The following SMC6 variants were observed in gnomAD, a reference collection of about 807,000 sequenced individuals.
SMC6 encodes the protein structural maintenance of chromosomes 6.
In SMC6, 79 loss-of-function variants were observed where a neutral mutation model predicts 142.2. The ratio of observed to expected loss-of-function variants is 0.56; its 90% confidence interval spans 0.46 to 0.67. The LOEUF is 0.67. Among genes scored for constraint, SMC6 ranks in the 30% least tolerant of loss-of-function variants. SMC6 has a pLI of 0.00. For synonymous variants in SMC6, 411 were observed against 412.4 expected (o/e 1.00, Z 0.04); for missense variants, 1,072 against 1,284.0 (o/e 0.83, Z 2.52).
intron 23 of SMC6, among the ~76,000 whole-genome samples, chr2:17,689,175 C>T (rs1200958412): frequency 6.6e-6 from 1 of 152,102 alleles, no homozygotes; most frequent in Non-Finnish European, 1.5e-5. Flanking sequence ...GATTATGTGC[C>T]TCTGGATGTG....
At position 17,721,127 on chromosome 2, in the gene SMC6, T is replaced by C; in HGVS notation, c.846+15A>G. On this transcript the variant is annotated intron_variant, in intron 10 of 27. Transcript: ENST00000448223. ...ATCACATAGATACGTGAACAAGTAA[T>C]TAAGTGATAATTACCACTGCCCAAG... 6.2e-7 allele frequency: 1 copy of C among 1,611,106 alleles called. No homozygotes were observed. Among genetic ancestry groups the C allele is most frequent in the African/African-American group, 1.3e-5 (1 of 74,868 alleles).
intron 3 of SMC6, 114 bp downstream of exon 3, chr2:17,745,710 TCAA>T: frequency 8.8e-7 from 1 of 1,139,860 alleles, no homozygotes; most frequent in Non-Finnish European, 1.2e-6. Flanking sequence ...AGATTTTACC[TCAA>T]CTTTTAAAAA....
chr2:17,710,144 T>C (rs1668754478), intron 16 of SMC6, among the ~76,000 whole-genome samples: 1 of 152,182 alleles, frequency 6.6e-6, no homozygotes, highest in African/African-American at 2.4e-5. Flanking sequence ...GATCAGCCTG[T>C]GCAATTCTCA....
At chr2:17,667,870 T>A (rs1666574077) in intron 26 of SMC6, among the ~76,000 whole-genome samples, 1 of 151,892 alleles carries the variant, frequency 6.6e-6, no homozygotes, top group African/African-American at 2.4e-5. Context: ...AGTAAATAAA[T>A]AAAAAATAAA....
At chr2:17,696,226 A>G in intron 22 of SMC6, 63 bp downstream of exon 22, 1 of 1,545,924 alleles carries the variant, frequency 6.5e-7, no homozygotes, top group South Asian at 1.3e-5. Flanking sequence ...ATTAGGGAAA[A>G]CACACTTTAA....
chr2:17,717,901 C>T (rs1034626516), intron 12 of SMC6, among the ~76,000 whole-genome samples, 176 bp downstream of exon 12: 1 of 149,890 alleles, frequency 6.7e-6, no homozygotes, highest in Non-Finnish European at 1.5e-5. Context: ...GGGAGGATAG[C>T]GTGTGCCCAG....
At chr2:17,724,772 T>C (rs1669534887) in intron 9 of SMC6, among the ~76,000 whole-genome samples, 1 of 152,218 alleles carries the variant, frequency 6.6e-6, no homozygotes, top group Non-Finnish European at 1.5e-5. Flanking sequence ...AACCTACCAG[T>C]TGCTTAAGGA....
At chr2:17,678,828 T>C (rs781140414) in intron 25 of SMC6, 31 bp downstream of exon 25, 4 of 1,439,792 alleles carry the variant, frequency 2.8e-6, no homozygotes, top group Non-Finnish European at 3.8e-6. Flanking sequence ...GTTTTTCTAA[T>C]GATTAGGATG....
intron 5 of SMC6, among the ~76,000 whole-genome samples, chr2:17,734,436 G>A (rs974458238): frequency 2.0e-5 from 3 of 152,128 alleles, no homozygotes; most frequent in South Asian, 2.1e-4. Flanking sequence ...TCTAATGAAC[G>A]GTTAAGGTTG....
Position 17,700,378 on chromosome 2 carries a change from C to T in SMC6, c.2224G>A (p.Glu742Lys). Residue 742 changes from glutamate to lysine, a missense_variant and splice_region_variant, in exon 21 of 28, where the codon GAA (glutamate) becomes AAA (lysine). Glu to Lys is a moderately conservative substitution (Grantham distance 56, BLOSUM62 1). Transcript: ENST00000448223. Reference protein sequence around the residue: ...EHQSVDIATLEDEAQENKSKM... With the variant: ...EHQSVDIATLKDEAQENKSKM... ...CTTTTATTTTCCTGAGCTTCATCTT[C>T]CTGATAAAATTTAAACAGCATATAA... is the stretch of plus-strand genomic sequence containing the variant. The T allele has an allele frequency of 1.3e-6, 2 of 1,589,876 alleles. No individual in the cohort carries two copies. Among genetic ancestry groups the T allele is most frequent in the Non-Finnish European group, 1.7e-6 (2 of 1,171,238 alleles).
intron 23 of SMC6, among the ~76,000 whole-genome samples, chr2:17,689,730 A>C (rs1667618601): frequency 6.6e-6 from 1 of 152,226 alleles, no homozygotes; most frequent in South Asian, 2.1e-4. Context: ...TTTGCATATA[A>C]CCTATATACA....
chr2:17,673,953 G>A (rs1295296563), intron 25 of SMC6, among the ~76,000 whole-genome samples: 1 of 152,148 alleles, frequency 6.6e-6, no homozygotes. Flanking sequence ...CCACAGGCTT[G>A]CAGTGGAGTC....
At chr2:17,729,977 C>G (rs1283935510) in intron 7 of SMC6, among the ~76,000 whole-genome samples, 1 of 152,068 alleles carries the variant, frequency 6.6e-6, no homozygotes, top group Admixed American at 6.6e-5. Flanking sequence ...AGACCCAGAC[C>G]CCTAATTGTT....
intron 2 of SMC6, among the ~76,000 whole-genome samples, chr2:17,749,160 G>C (rs991107687): frequency 2.0e-5 from 3 of 152,002 alleles, no homozygotes; most frequent in African/African-American, 7.3e-5. Context: ...TTTCCAAAAG[G>C]CTAAAGAAAC....
chr2:17,724,407 A>G (rs1669518085), intron 9 of SMC6, among the ~76,000 whole-genome samples: 1 of 152,364 alleles, frequency 6.6e-6, no homozygotes. Context: ...TCAGTATAAC[A>G]TAATGAATTT....
At chr2:17,710,876 G>A (rs1428567130) in intron 16 of SMC6, among the ~76,000 whole-genome samples, 1 of 152,130 alleles carries the variant, frequency 6.6e-6, no homozygotes, top group Non-Finnish European at 1.5e-5. Context: ...TCCTGAAAAG[G>A]GAAGCAGAGA....
chr2:17,727,742 AC>A (rs1458530884), intron 7 of SMC6, among the ~76,000 whole-genome samples: 1 of 152,226 alleles, frequency 6.6e-6, no homozygotes, highest in African/African-American at 2.4e-5. Context: ...TAAATGAAAA[AC>A]ACTTTAAACC....
intron 4 of SMC6, among the ~76,000 whole-genome samples, chr2:17,741,222 TGG>T (rs1670456608): frequency 3.3e-5 from 5 of 152,230 alleles, no homozygotes; most frequent in Admixed American, 3.3e-4. Flanking sequence ...AAGCATTTAT[TGG>T]CCACCTGGTG....
rs1667334695 is a variant in SMC6, at chr2:17,683,836, A to T, written c.2679-73T>A. 33 of 1,404,774 alleles carry T rather than the reference A, an allele frequency of 2.3e-5. No individual in the cohort carries two copies. In the South Asian group the frequency reaches 3.9e-4, roughly 17 times the overall value. 87.0% of individuals were successfully genotyped at this position (1,404,774 alleles called of 1,614,324 possible). Reference sequence around the variant, plus strand: ...AACATAACAGTAGAATCTCAAACAGATTTAACTGGGAAGAACAGGGAGGGG... The same window carrying T: ...AACATAACAGTAGAATCTCAAACAGTTTTAACTGGGAAGAACAGGGAGGGG... On this transcript the variant is annotated intron_variant, in intron 23 of 27. Transcript: ENST00000448223.
Sources: allele counts gnomAD v4.1 joint callset (sites outside exome capture counted in the v4.1 genomes callset), GRCh38; gene constraint gnomAD v4.1.1; transcripts MANE v1.5; gene names NCBI Gene and HGNC (gene_info 2026-07-23, HGNC 2026-07-21).